Variants in NKAIN4 observed in about 807,000 individuals in gnomAD.
The protein encoded by NKAIN4 is sodium/potassium-transporting ATPase subunit beta-1-interacting protein 4.
Under a neutral mutation model 28.8 loss-of-function variants are expected in NKAIN4, and 28 were observed. The observed-to-expected ratio is 0.97, with a 90% CI of 0.72 to 1.33. NKAIN4 has a LOEUF of 1.33. Ranked by LOEUF, NKAIN4 falls within the 40% of genes most tolerant of loss-of-function variation. The pLI is 0.00. For missense variants in NKAIN4, 289 were observed against 277.2 expected, an observed-to-expected ratio of 1.04 and a Z score of -0.30; for synonymous variants, 122 against 115.6, an observed-to-expected ratio of 1.06 and a Z score of -0.36.
chr20:63,246,533 C>T (rs1435239681), intron 4 of NKAIN4: 15 of 985,340 alleles, frequency 1.5e-5, no homozygotes, highest in African/African-American at 5.2e-5. Flanking sequence ...CGCACCGTCA[C>T]GTGTGCTCAG....
Position 63,249,123 on chromosome 20 carries a change from A to G in NKAIN4, c.193-228T>C, listed in dbSNP as rs548422005. 312 of 535,030 alleles carry G rather than the reference A, an allele frequency of 5.8e-4. 6 individuals carry two copies. The East Asian group carries it at 0.01, about 17-fold the overall frequency. The allele number at this position is 535,030 out of a possible 1,614,324, so 33.1% of individuals were successfully genotyped here. A position where few individuals can be genotyped will look rare whatever the true frequency, so the allele number is the denominator to read the frequency against. On this transcript the variant is annotated intron_variant, in intron 2 of 6. Transcript: ENST00000370316. ...GGTGCCCCGGGAATGAGGCGGTGGG[A>G]CAGCCAGCTCAAGGGAGCCCCAGCG...
At chr20:63,244,585 G>T in intron 4 of NKAIN4, 1 of 470,044 alleles carries the variant, frequency 2.1e-6, no homozygotes. Flanking sequence ...ACAGGCTGAG[G>T]ACTCGGGGTC....
At position 63,249,934 on chromosome 20, in the gene NKAIN4, C is replaced by G; in HGVS notation, c.192+1G>C. On this transcript the variant is annotated splice_donor_variant, in intron 2 of 6. Coordinates refer to ENST00000370316, the MANE Select transcript of NKAIN4 (RefSeq NM_152864.4). LOFTEE classifies it high-confidence loss of function. Reference sequence around the variant, plus strand: ...TAAAGAGGGCCGGGCCCAGGACTCACCACCATGACATAGCGCAGCCGGTAC... The same window carrying G: ...TAAAGAGGGCCGGGCCCAGGACTCAGCACCATGACATAGCGCAGCCGGTAC... 6.2e-7 allele frequency: 1 copy of G among 1,612,354 alleles called. No homozygotes were observed.
At chr20:63,254,723 G>A (rs1027216312), upstream of NKAIN4, 4 of 283,358 alleles carry the variant, frequency 1.4e-5, no homozygotes, top group Admixed American at 1.1e-4. Flanking sequence ...GTAGCGAGGG[G>A]CGGCGCCGCG....
upstream of NKAIN4, chr20:63,254,521 A>G: frequency 3.6e-6 from 4 of 1,107,490 alleles, no homozygotes; most frequent in Non-Finnish European, 4.6e-6. Context: ...CCCGCTCCCC[A>G]CGCGCCGCAG....
At chr20:63,248,485 C>G (rs1320404456) in intron 3 of NKAIN4, 2 of 272,794 alleles carry the variant, frequency 7.3e-6, no homozygotes, top group Admixed American at 8.9e-5. Flanking sequence ...AAGGACCCCA[C>G]GTGGCCCCAG....
At chr20:63,251,384 A>G (rs972643210) in intron 1 of NKAIN4, among the ~76,000 whole-genome samples, 60 of 152,262 alleles carry the variant, frequency 3.9e-4, no homozygotes, top group African/African-American at 1.1e-3. Context: ...CAGGTCCTCC[A>G]CAAGAGGTGG....
chr20:63,248,373 C>T (rs1017250388), intron 3 of NKAIN4: 33 of 188,262 alleles, frequency 1.8e-4, no homozygotes, highest in Non-Finnish European at 3.0e-4. Context: ...GTCGGCTCAG[C>T]GATGGCCTTT....
At chr20:63,246,497 G>A in intron 4 of NKAIN4, 1 of 985,234 alleles carries the variant, frequency 1.0e-6, no homozygotes, top group Non-Finnish European at 1.2e-6. Flanking sequence ...GCCCAGGAAG[G>A]AGCCCCGGGA....
intron 4 of NKAIN4, chr20:63,247,285 G>A (rs1275753913): frequency 3.0e-5 from 40 of 1,343,714 alleles, no homozygotes; most frequent in Non-Finnish European, 3.8e-5. Context: ...GGGGTGTCTC[G>A]GCCTGATCCG....
At chr20:63,242,684 G>A in intron 5 of NKAIN4, 61 bp from the exon 6 acceptor site, 2 of 1,362,264 alleles carry the variant, frequency 1.5e-6, no homozygotes, top group Non-Finnish European at 2.1e-6. Context: ...TGTCAGAGTG[G>A]AAAACAAGCC....
At chr20:63,242,834 G>T (rs568559741) in intron 5 of NKAIN4, among the ~76,000 whole-genome samples, 1 of 150,512 alleles carries the variant, frequency 6.6e-6, no homozygotes, top group Non-Finnish European at 1.5e-5. Flanking sequence ...GGACGGCATC[G>T]GGGGACAGTG....
chr20:63,251,283 T>C (rs1169081916), intron 1 of NKAIN4, among the ~76,000 whole-genome samples: 1 of 152,108 alleles, frequency 6.6e-6, no homozygotes, highest in African/African-American at 2.4e-5. Context: ...GGATGGAACA[T>C]GAAGGCGGAC....
chr20:63,242,431 G>T, intron 6 of NKAIN4, 108 bp downstream of exon 6: 1 of 773,584 alleles, frequency 1.3e-6, no homozygotes. Flanking sequence ...ATGGATGGCA[G>T]AACGGACAGG....
chr20:63,244,168 G>A, intron 4 of NKAIN4, 84 bp from the exon 5 acceptor site: 1 of 1,237,482 alleles, frequency 8.1e-7, no homozygotes. Flanking sequence ...CGAAGCACTG[G>A]AGCGCCCCTG....
intron 4 of NKAIN4, among the ~76,000 whole-genome samples, chr20:63,246,088 C>T (rs138494427): frequency 0.044 from 6,700 of 152,226 alleles, 321 homozygotes; most frequent in African/African-American, 0.12. Flanking sequence ...CCACCACGCC[C>T]GGCTAATTGT....
intron 3 of NKAIN4, chr20:63,248,154 G>A (rs758489090): frequency 1.6e-5 from 3 of 188,092 alleles, no homozygotes; most frequent in African/African-American, 2.3e-5. Flanking sequence ...TCCAGGAAGC[G>A]GGGGCCCGTC....
intron 4 of NKAIN4, among the ~76,000 whole-genome samples, chr20:63,246,073 G>A (rs576190167): frequency 5.3e-5 from 8 of 152,192 alleles, no homozygotes; most frequent in African/African-American, 7.2e-5. Context: ...GACTACAGGC[G>A]CCCGCCACCA....
chr20:63,244,338 T>A, intron 4 of NKAIN4: 1 of 564,610 alleles, frequency 1.8e-6, no homozygotes, highest in Non-Finnish European at 3.3e-6. Flanking sequence ...GTGAGGATAA[T>A]GGATATTGGG....
Sources: gnomAD v4.1 joint callset for allele counts (sites outside exome capture counted in the v4.1 genomes callset) on GRCh38, gnomAD v4.1.1 for gene constraint, MANE v1.5 for transcripts, NCBI Gene and HGNC (gene_info 2026-07-23, HGNC 2026-07-21) for gene names.